TOLLIP: variants seen among roughly 807,000 people sequenced by gnomAD.
TOLLIP encodes the protein toll-interacting protein.
In TOLLIP, 16 loss-of-function variants were observed where a neutral mutation model predicts 33.5. The observed-to-expected ratio is 0.48, with a 90% CI of 0.32 to 0.72. The LOEUF is 0.72. Among genes scored for constraint, TOLLIP ranks in the 30% least tolerant of loss-of-function variants. The pLI, the probability that TOLLIP is intolerant of heterozygous loss-of-function variation, is 0.03. For synonymous variants in TOLLIP, 176 were observed against 163.7 expected (o/e 1.07, Z -0.57); for missense variants, 325 against 396.6 (o/e 0.82, Z 1.53).
At chr11:1,285,295 C>T (rs747137810) in intron 5 of TOLLIP, among the ~76,000 whole-genome samples, 46 of 152,368 alleles carry the variant, frequency 3.0e-4, no homozygotes, top group Middle Eastern at 6.8e-3. Flanking sequence ...GAGGCCACCT[C>T]AGCAGGAGAA....
At chr11:1,300,908 A>C (rs1343588792) in intron 1 of TOLLIP, among the ~76,000 whole-genome samples, 1 of 151,994 alleles carries the variant, frequency 6.6e-6, no homozygotes, top group African/African-American at 2.4e-5. Flanking sequence ...CACCGTTCCC[A>C]CCCCATGACG....
Position 1,290,762 on chromosome 11 carries a change from C to T in TOLLIP, c.184-353G>A, listed in dbSNP as rs920819900. On this transcript the variant is annotated intron_variant, in intron 2 of 5. Transcript: ENST00000317204. This position sits in a 1 kb window ranked among gnomAD's most constrained non-coding sequence, Gnocchi z 4.9. ...TGAGGAGGGAAAGAGGAGGAGGTCC[C>T]GGGACAGAGCTGAGAGCCAGAGCAT... Among the ~76,000 whole-genome samples the T allele has an allele frequency of 6.6e-6, 1 of 152,088 alleles. No homozygotes were observed. The highest frequency in any genetic ancestry group is 1.5e-5 in the Non-Finnish European group (1 of 68,014).
At chr11:1,280,919 C>T (rs1027678881) in intron 5 of TOLLIP, among the ~76,000 whole-genome samples, 1 of 152,214 alleles carries the variant, frequency 6.6e-6, no homozygotes, top group Non-Finnish European at 1.5e-5. Flanking sequence ...GGCCCAGTGG[C>T]ACCCGCGCTG....
At chr11:1,298,888 C>T (rs1445420926) in intron 1 of TOLLIP, among the ~76,000 whole-genome samples, 2 of 152,228 alleles carry the variant, frequency 1.3e-5, no homozygotes, top group Non-Finnish European at 2.9e-5. Flanking sequence ...GTCAGTCGTC[C>T]TCAAACCGTC....
At chr11:1,286,610 G>A (rs981400954) in intron 4 of TOLLIP, among the ~76,000 whole-genome samples, 13 of 151,784 alleles carry the variant, frequency 8.6e-5, no homozygotes, top group African/African-American at 2.9e-4. Context: ...ACTGTCCACT[G>A]CGGATAAGTC....
intron 5 of TOLLIP, among the ~76,000 whole-genome samples, chr11:1,280,329 C>G (rs572411826): frequency 6.6e-6 from 1 of 152,192 alleles, no homozygotes; most frequent in South Asian, 2.1e-4. Context: ...ACCGCGTGCA[C>G]GTTCTCTATG....
At chr11:1,298,753 A>C (rs1194603143) in intron 1 of TOLLIP, among the ~76,000 whole-genome samples, 1 of 152,260 alleles carries the variant, frequency 6.6e-6, no homozygotes, top group Non-Finnish European at 1.5e-5. Flanking sequence ...CGGGGACCGC[A>C]GCCAGCGCCA....
intron 1 of TOLLIP, among the ~76,000 whole-genome samples, chr11:1,304,032 T>C (rs929417071): frequency 8.0e-6 from 1 of 124,812 alleles, no homozygotes; most frequent in Non-Finnish European, 1.6e-5. Context: ...CGAGCCTCCA[T>C]GTAAAAAAAA....
At chr11:1,284,150 A>C (rs1863601717) in intron 5 of TOLLIP, among the ~76,000 whole-genome samples, 1 of 152,212 alleles carries the variant, frequency 6.6e-6, no homozygotes, top group African/African-American at 2.4e-5. Context: ...CTCCAGGCTC[A>C]GGAACAGCTG....
In TOLLIP at chr11:1,290,526, C is replaced by T; in HGVS notation, c.184-117G>A. 1.1e-6 allele frequency: 1 copy of T among 914,064 alleles called. No homozygotes were observed. The highest frequency in any genetic ancestry group is 2.6e-5 in the East Asian group (1 of 38,046). 56.6% of individuals were successfully genotyped at this position (914,064 alleles called of 1,614,324 possible). ...AGGCCTTTTCCTAACACATAGACTA[C>T]AGCCACTCAGAGTCGCCTGAACACG... On this transcript the variant is annotated intron_variant, in intron 2 of 5. Coordinates refer to ENST00000317204, the MANE Select transcript of TOLLIP (RefSeq NM_019009.4). The surrounding 1 kb of genome is among the most constrained non-coding windows in gnomAD (Gnocchi z 4.9).
chr11:1,283,151 G>A (rs1238714783), intron 5 of TOLLIP: 32 of 198,106 alleles, frequency 1.6e-4, no homozygotes, highest in Admixed American at 1.6e-3. Context: ...GTAAACCTGC[G>A]CTGGGTGGAA....
rs1248758280 is a variant in TOLLIP at position 1,303,476 on chromosome 11, G to A, written c.33+5990C>T. On this transcript the variant is annotated intron_variant, in intron 1 of 5. Coordinates refer to ENST00000317204, the MANE Select transcript of TOLLIP (RefSeq NM_019009.4). The surrounding 1 kb of genome is among the most constrained non-coding windows in gnomAD (Gnocchi z 4.2). ...ACCCCTGCTCCTGGGATGCTTACAC[G>A]TGAGTGGAAGAAGACAAACGGGAAG... is the stretch of plus-strand genomic sequence containing the variant. Among the ~76,000 whole-genome samples the A allele has an allele frequency of 1.3e-5, 2 of 152,234 alleles. No homozygotes were observed. Among genetic ancestry groups the A allele is most frequent in the Non-Finnish European group, 2.9e-5 (2 of 68,042 alleles).
chr11:1,308,127 C>T (rs1864467127), intron 1 of TOLLIP, among the ~76,000 whole-genome samples: 1 of 152,222 alleles, frequency 6.6e-6, no homozygotes, highest in African/African-American at 2.4e-5. Context: ...AGCCCAGCCT[C>T]AGTGAGTGAC....
At chr11:1,281,403 G>A (rs2133883024) in intron 5 of TOLLIP, among the ~76,000 whole-genome samples, 1 of 152,260 alleles carries the variant, frequency 6.6e-6, no homozygotes, top group Middle Eastern at 3.4e-3. Context: ...GTCCTCGTGA[G>A]GGCTCAGCCA....
chr11:1,283,341 T>A, intron 5 of TOLLIP: 2 of 340,636 alleles, frequency 5.9e-6, no homozygotes, highest in Non-Finnish European at 1.1e-5. Context: ...GGAGGGCCAG[T>A]GACCCCGGCC....
rs751558926 is a variant in TOLLIP, at chr11:1,277,304, C to A, written c.611-51G>T. ...AAAACGTCGGAAAGTTCCAGAAGTG[C>A]CACACTAGCTCCTGCTGAAGGAAGA... is the stretch of plus-strand genomic sequence containing the variant. On this transcript the variant is annotated intron_variant, in intron 5 of 5. Transcript: ENST00000317204. The surrounding 1 kb of genome is among the most constrained non-coding windows in gnomAD (Gnocchi z 4.2). 2 of 1,403,898 alleles carry A rather than the reference C, an allele frequency of 1.4e-6. No homozygotes were observed. Among genetic ancestry groups the A allele is most frequent in the Middle Eastern group, 2.2e-4 (1 of 4,614 alleles). The allele number at this position is 1,403,898 out of a possible 1,614,324, so 87.0% of individuals were successfully genotyped here.
rs1322414711 is a variant in TOLLIP, at chr11:1,277,396, G to A, written c.611-143C>T. The A allele has an allele frequency of 3.2e-6, 2 of 620,700 alleles. No homozygotes were observed. The highest frequency in any genetic ancestry group is 5.2e-6 in the Non-Finnish European group (2 of 386,018). The allele number at this position is 620,700 out of a possible 1,614,324, so 38.4% of individuals were successfully genotyped here. A position where few individuals can be genotyped will look rare whatever the true frequency, so the allele number is the denominator to read the frequency against. On this transcript the variant is annotated intron_variant, in intron 5 of 5. Coordinates refer to ENST00000317204, the MANE Select transcript of TOLLIP (RefSeq NM_019009.4). The surrounding 1 kb of genome is among the most constrained non-coding windows in gnomAD (Gnocchi z 4.2). ...TCGGGTCTCAGCAAACACCAGTCCCGCAAGACACCCTGGAAAGGCAAACCC... is the reference window on the plus strand; with the variant it reads ...TCGGGTCTCAGCAAACACCAGTCCCACAAGACACCCTGGAAAGGCAAACCC...
At chr11:1,286,707 T>C (rs1269583107) in intron 4 of TOLLIP, among the ~76,000 whole-genome samples, 1 of 151,902 alleles carries the variant, frequency 6.6e-6, no homozygotes, top group East Asian at 1.9e-4. Context: ...TTCAAAACTG[T>C]CCACTGTGGA....
chr11:1,288,968 G>T lies in TOLLIP; in HGVS notation c.367-192C>A, dbSNP rs562518688. Among the ~76,000 whole-genome samples the T allele has an allele frequency of 2.6e-5, 4 of 152,334 alleles. No homozygotes were observed. The South Asian group carries it at 8.3e-4, about 32-fold the overall frequency. Reference sequence around the variant, plus strand: ...ACGATCGTATATCAGCCTCCGTAGGGGACTTCTTCCCTCTCTCCACCAGGA... The same window carrying T: ...ACGATCGTATATCAGCCTCCGTAGGTGACTTCTTCCCTCTCTCCACCAGGA... On this transcript the variant is annotated intron_variant, in intron 3 of 5. Coordinates refer to ENST00000317204, the MANE Select transcript of TOLLIP (RefSeq NM_019009.4).
Sources: allele counts gnomAD v4.1 joint callset (sites outside exome capture counted in the v4.1 genomes callset), GRCh38; gene constraint gnomAD v4.1.1; non-coding constraint Gnocchi (gnomAD v3.1); transcripts MANE v1.5; gene names NCBI Gene and HGNC (gene_info 2026-07-23, HGNC 2026-07-21).